Variants in BLTP2 observed in about 807,000 individuals in gnomAD.
BLTP2 encodes bridge-like lipid transfer protein family member 2, also known as U937-associated antigen.
the BLTP2 span, chr17:28,632,975 A>G: frequency 6.4e-7 from 1 of 1,553,274 alleles, no homozygotes. Flanking sequence ...ATCTTGATGG[A>G]GAGATTGAGG....
the BLTP2 span, chr17:28,620,693 C>G: frequency 6.3e-7 from 1 of 1,579,280 alleles, no homozygotes; most frequent in Non-Finnish European, 8.6e-7. Flanking sequence ...TACTCCATCT[C>G]TTAACCCACA....
chr17:28,617,061 C>G, the BLTP2 span: 1 of 1,331,898 alleles, frequency 7.5e-7, no homozygotes, highest in Non-Finnish European at 1.1e-6. Flanking sequence ...AAGCAACCCA[C>G]AAATCCTCTG....
chr17:28,638,198 A>T, the BLTP2 span: 13 of 1,600,570 alleles, frequency 8.1e-6, no homozygotes, highest in Non-Finnish European at 1.0e-5. Context: ...GCTCTGACGC[A>T]TGACAGGATG....
chr17:28,642,917 TG>T, the BLTP2 span: 1 of 1,611,386 alleles, frequency 6.2e-7, no homozygotes, highest in African/African-American at 1.3e-5. Flanking sequence ...GATCTGAATA[TG>T]CCATAAGGAC....
chr17:28,633,522 G>A, the BLTP2 span: 2 of 1,610,408 alleles, frequency 1.2e-6, no homozygotes, highest in Non-Finnish European at 1.7e-6. Flanking sequence ...CATCCTGATA[G>A]GATAAAAGTA....
the BLTP2 span, among the ~76,000 whole-genome samples, chr17:28,619,344 G>C: frequency 6.6e-6 from 1 of 151,968 alleles, no homozygotes; most frequent in Non-Finnish European, 1.5e-5. Flanking sequence ...TGATCTTTCA[G>C]CTGGGTGTGG....
the BLTP2 span, chr17:28,631,790 A>G: frequency 3.7e-6 from 6 of 1,607,044 alleles, no homozygotes; most frequent in Non-Finnish European, 5.1e-6. Flanking sequence ...GGAACAGGAT[A>G]GGAGAAATGA....
At chr17:28,616,221 T>C in the BLTP2 span, 6 of 1,607,376 alleles carry the variant, frequency 3.7e-6, no homozygotes, top group African/African-American at 8.0e-5. The surrounding 1 kb of genome is among the most constrained non-coding windows in gnomAD (Gnocchi z 4.8). Flanking sequence ...GCAAGGAGTG[T>C]GAGCCCTGAA....
At chr17:28,644,040 G>A in the BLTP2 span, 2 of 1,613,556 alleles carry the variant, frequency 1.2e-6, no homozygotes, top group South Asian at 1.1e-5. Context: ...CACATATCCA[G>A]AGTTTCCCAG....
At chr17:28,627,637 G>A in the BLTP2 span, among the ~76,000 whole-genome samples, 1 of 152,040 alleles carries the variant, frequency 6.6e-6, no homozygotes, top group South Asian at 2.1e-4. Flanking sequence ...TCGATCTCCT[G>A]ACCCACCCAC....
chr17:28,618,188 C>T, the BLTP2 span, among the ~76,000 whole-genome samples: 1 of 152,106 alleles, frequency 6.6e-6, no homozygotes. Context: ...CTGCCTCGGC[C>T]TTCCAGAGTG....
chr17:28,640,512 C>G, the BLTP2 span: 12 of 1,606,298 alleles, frequency 7.5e-6, no homozygotes, highest in South Asian at 1.1e-4. Context: ...TACCAACATA[C>G]AGCTCCCACT....
At chr17:28,632,919 A>T in the BLTP2 span, 1 of 1,480,668 alleles carries the variant, frequency 6.8e-7, no homozygotes, top group South Asian at 1.4e-5. Flanking sequence ...CTTCCTCCCC[A>T]CTGCCCCAGG....
the BLTP2 span, chr17:28,620,945 A>G: frequency 2.4e-5 from 38 of 1,555,658 alleles, no homozygotes; most frequent in Non-Finnish European, 3.4e-5. Flanking sequence ...TACTTTCACA[A>G]TTTCTCTAGT....
chr17:28,630,465 G>GTT, the BLTP2 span, among the ~76,000 whole-genome samples: 197 of 93,020 alleles, frequency 2.1e-3, 3 homozygotes, highest in South Asian at 0.012. Flanking sequence ...AGCCCCCACT[G>GTT]TTTTTTTTTT....
the BLTP2 span, chr17:28,635,551 T>C: frequency 6.2e-7 from 1 of 1,614,122 alleles, no homozygotes; most frequent in African/African-American, 1.3e-5. Context: ...GACATGCTGG[T>C]ACAGGTACAT....
the BLTP2 span, chr17:28,635,654 A>G: frequency 5.1e-6 from 8 of 1,555,690 alleles, no homozygotes; most frequent in South Asian, 6.2e-5. Context: ...CCATGTCACA[A>G]AACAGTAGAG....
At chr17:28,640,396 A>G in the BLTP2 span, 1 of 714,170 alleles carries the variant, frequency 1.4e-6, no homozygotes, top group Non-Finnish European at 2.2e-6. Context: ...CCGTCTCAAA[A>G]ATAATAATAA....
At chr17:28,617,322 T>C in the BLTP2 span, 3 of 1,611,476 alleles carry the variant, frequency 1.9e-6, no homozygotes, top group Non-Finnish European at 1.7e-6. Flanking sequence ...TATTCACCTA[T>C]AAAGACAGAT....
Sources: allele counts gnomAD v4.1 joint callset (sites outside exome capture counted in the v4.1 genomes callset), GRCh38; gene constraint gnomAD v4.1.1; non-coding constraint Gnocchi (gnomAD v3.1); transcripts MANE v1.5; gene names NCBI Gene and HGNC (gene_info 2026-07-23, HGNC 2026-07-21).